SHISA6: variants seen among roughly 807,000 people sequenced by gnomAD.
SHISA6 encodes the protein shisa family member 6.
A neutral mutation model predicts 47.9 loss-of-function variants in SHISA6; 22 were observed. That is an observed-to-expected ratio of 0.46 (90% CI 0.33 to 0.66). SHISA6 has a LOEUF of 0.66. Ranked by LOEUF, SHISA6 falls within the 30% of genes least tolerant of loss-of-function variation. The probability of loss-of-function intolerance (pLI) is 0.02; values close to 1 mark genes in which losing one functional copy is unlikely to be tolerated. For missense variants in SHISA6, 680 were observed against 764.6 expected (o/e 0.89, Z 1.30); for synonymous variants, 388 against 337.8 (o/e 1.15, Z -1.63).
At chr17:11,431,469 C>T (rs1040561747) in intron 3 of SHISA6, among the ~76,000 whole-genome samples, 1 of 152,192 alleles carries the variant, frequency 6.6e-6, no homozygotes, top group Non-Finnish European at 1.5e-5. Context: ...CAACTGCATA[C>T]CGAATCTAGC....
At chr17:11,264,752 T>A (rs760758030) in intron 2 of SHISA6, among the ~76,000 whole-genome samples, 110 of 152,314 alleles carry the variant, frequency 7.2e-4, no homozygotes, top group Non-Finnish European at 1.3e-3. Flanking sequence ...GAGACCAAAT[T>A]TATTTTCCAT....
intron 2 of SHISA6, among the ~76,000 whole-genome samples, chr17:11,348,361 T>G: frequency 6.6e-6 from 1 of 152,250 alleles, no homozygotes; most frequent in Non-Finnish European, 1.5e-5. Flanking sequence ...AGATCGTGAG[T>G]GATGTCAACT....
intron 2 of SHISA6, chr17:11,289,139 G>A (rs1909430576): frequency 6.6e-6 from 1 of 152,000 alleles, no homozygotes; most frequent in African/African-American, 2.4e-5. Context: ...ATTGAGAATG[G>A]ATGTTGAATT....
intron 2 of SHISA6, among the ~76,000 whole-genome samples, chr17:11,296,475 G>A (rs1597445348): frequency 6.6e-6 from 1 of 152,284 alleles, no homozygotes; most frequent in East Asian, 1.9e-4. Context: ...GGGAGTAACT[G>A]AGATGGATCC....
intron 2 of SHISA6, among the ~76,000 whole-genome samples, chr17:11,367,925 T>A (rs1597478920): frequency 6.6e-6 from 1 of 152,198 alleles, no homozygotes; most frequent in South Asian, 2.1e-4. Flanking sequence ...CTTAGGTGCT[T>A]GGGAAGAGGT....
At chr17:11,468,926 C>A (rs1051158820) in intron 3 of SHISA6, among the ~76,000 whole-genome samples, 11 of 137,776 alleles carry the variant, frequency 8.0e-5, no homozygotes, top group Non-Finnish European at 1.2e-4. Context: ...GAGGATGAGG[C>A]AGGAGAATGA....
intron 2 of SHISA6, among the ~76,000 whole-genome samples, chr17:11,307,275 G>T (rs1200942334): frequency 6.6e-6 from 1 of 151,748 alleles, no homozygotes; most frequent in East Asian, 1.9e-4. Context: ...TGGCTCTATT[G>T]AGATAACTGT....
At chr17:11,553,610 GA>G (rs1440509026) in intron 4 of SHISA6, among the ~76,000 whole-genome samples, 2 of 152,142 alleles carry the variant, frequency 1.3e-5, no homozygotes, top group African/African-American at 4.8e-5. Context: ...GGAGCTGGCA[GA>G]GTGACTATCA....
At chr17:11,524,600 G>C in intron 3 of SHISA6, among the ~76,000 whole-genome samples, 1 of 151,476 alleles carries the variant, frequency 6.6e-6, no homozygotes, top group Non-Finnish European at 1.5e-5. Context: ...GGGTTCAAGC[G>C]ATTTTCCTGC....
At position 11,431,509 on chromosome 17, in the gene SHISA6, T is replaced by G. The variant is rs144271214; in HGVS notation, c.895+52000T>G. On this transcript the variant is annotated intron_variant, in intron 3 of 5. Coordinates refer to ENST00000441885, the MANE Select transcript of SHISA6 (RefSeq NM_207386.4). ...CCCATGGTCCAAGGAGGAAGCATCC[T>G]TCTAGAGGAAATGATATTGTGGACA... Among the ~76,000 whole-genome samples the G allele has an allele frequency of 1.6e-4, 24 of 152,362 alleles. No individual in the cohort carries two copies. In the East Asian group the frequency reaches 4.4e-3, roughly 28 times the overall value.
At chr17:11,423,270 G>A in intron 3 of SHISA6, among the ~76,000 whole-genome samples, 1 of 146,242 alleles carries the variant, frequency 6.8e-6, no homozygotes, top group East Asian at 2.0e-4. Flanking sequence ...ATATATATAT[G>A]GCAGTAACAT....
At chr17:11,513,039 T>C (rs2071554180) in intron 3 of SHISA6, among the ~76,000 whole-genome samples, 1 of 152,096 alleles carries the variant, frequency 6.6e-6, no homozygotes, top group African/African-American at 2.4e-5. Flanking sequence ...TTTGAATACA[T>C]ATTACTTAAT....
At chr17:11,412,100 A>G (rs1914138544) in intron 3 of SHISA6, among the ~76,000 whole-genome samples, 1 of 152,220 alleles carries the variant, frequency 6.6e-6, no homozygotes, top group Non-Finnish European at 1.5e-5. Flanking sequence ...AGTGTAAAAG[A>G]TGAGCTTTGA....
intron 3 of SHISA6, among the ~76,000 whole-genome samples, chr17:11,419,317 T>C (rs1914385241): frequency 6.6e-6 from 1 of 151,722 alleles, no homozygotes; most frequent in South Asian, 2.1e-4. Flanking sequence ...ATTATATCCT[T>C]TAATAAATAT....
intron 3 of SHISA6, among the ~76,000 whole-genome samples, chr17:11,451,124 G>A (rs745962535): frequency 6.6e-6 from 1 of 151,832 alleles, no homozygotes; most frequent in Non-Finnish European, 1.5e-5. Context: ...GACCCTGCTG[G>A]TCACTGTGCT....
At chr17:11,414,493 C>G (rs1227685239) in intron 3 of SHISA6, among the ~76,000 whole-genome samples, 1 of 152,154 alleles carries the variant, frequency 6.6e-6, no homozygotes, top group Non-Finnish European at 1.5e-5. Flanking sequence ...CTGCCCCTCC[C>G]TGCCATTGAA....
chr17:11,276,862 G>A (rs777228952), intron 2 of SHISA6, among the ~76,000 whole-genome samples: 1 of 152,152 alleles, frequency 6.6e-6, no homozygotes, highest in African/African-American at 2.4e-5. Context: ...TCAGTTCAAG[G>A]ATGTTCACTT....
At chr17:11,354,248 T>C (rs1313795134) in intron 2 of SHISA6, among the ~76,000 whole-genome samples, 3 of 152,160 alleles carry the variant, frequency 2.0e-5, no homozygotes, top group African/African-American at 7.2e-5. Context: ...CAAATGCGAA[T>C]TCGGATTCAG....
At chr17:11,306,261 T>A (rs1261075244) in intron 2 of SHISA6, among the ~76,000 whole-genome samples, 1 of 152,100 alleles carries the variant, frequency 6.6e-6, no homozygotes, top group African/African-American at 2.4e-5. Context: ...AAGTAAGTGA[T>A]CTCAGCCTTC....
Sources: allele counts gnomAD v4.1 joint callset (sites outside exome capture counted in the v4.1 genomes callset), GRCh38; gene constraint gnomAD v4.1.1; transcripts MANE v1.5; gene names NCBI Gene and HGNC (gene_info 2026-07-23, HGNC 2026-07-21).